Variants in ARHGAP42 observed in about 807,000 individuals in gnomAD.
ARHGAP42 encodes rho GTPase-activating protein 42.
ARHGAP42 carries 63 observed loss-of-function variants against 125.0 expected under a neutral mutation model. That is an observed-to-expected ratio of 0.50 (90% confidence interval 0.41 to 0.62). ARHGAP42 has a LOEUF of 0.62. ARHGAP42 is among the 20% of genes least tolerant of loss of function. The pLI, the probability that ARHGAP42 is intolerant of heterozygous loss-of-function variation, is 0.00. For missense variants in ARHGAP42, 766 were observed against 1,024.2 expected, an observed-to-expected ratio of 0.75 and a Z score of 3.44; for synonymous variants, 339 against 351.0, an observed-to-expected ratio of 0.97 and a Z score of 0.38.
chr11:100,687,568 G>A lies in ARHGAP42; in HGVS notation c.-111G>A. ...CGCGCAATCAGTCCCCTCGCGTCCC[G>A]GCGCCTTCCCCGCGATCGCGCGACC... is the stretch of plus-strand genomic sequence containing the variant. On this transcript the variant is annotated 5_prime_UTR_variant, in exon 1 of 24. Coordinates refer to ENST00000298815, the MANE Select transcript of ARHGAP42 (RefSeq NM_152432.4). The A allele has an allele frequency of 4.6e-6, 4 of 869,690 alleles. No individual in the cohort carries two copies. Among genetic ancestry groups the A allele is most frequent in the Non-Finnish European group, 5.9e-6 (4 of 682,838 alleles). The allele number at this position is 869,690 out of a possible 1,614,324, so 53.9% of individuals were successfully genotyped here. A position where few individuals can be genotyped will look rare whatever the true frequency, so the allele number is the denominator to read the frequency against.
chr11:100,765,684 G>T (rs1470096137), intron 1 of ARHGAP42, among the ~76,000 whole-genome samples: 1 of 152,150 alleles, frequency 6.6e-6, no homozygotes, highest in Non-Finnish European at 1.5e-5. Context: ...AGGAGGGAAG[G>T]ATACATTCTA....
At chr11:100,877,389 T>C (rs1565254945) in intron 4 of ARHGAP42, among the ~76,000 whole-genome samples, 1 of 152,258 alleles carries the variant, frequency 6.6e-6, no homozygotes, top group Non-Finnish European at 1.5e-5. Context: ...CAAATTTATG[T>C]GGCCATGTGT....
intron 4 of ARHGAP42, among the ~76,000 whole-genome samples, chr11:100,889,887 G>A (rs943298927): frequency 1.3e-5 from 2 of 152,082 alleles, no homozygotes; most frequent in African/African-American, 4.8e-5. Flanking sequence ...TGGGTCCCAA[G>A]CTGGACCATT....
chr11:100,779,248 A>G (rs1187325449), intron 2 of ARHGAP42, among the ~76,000 whole-genome samples: 2 of 151,500 alleles, frequency 1.3e-5, no homozygotes, highest in Non-Finnish European at 2.9e-5. Context: ...GGAGTTCGAG[A>G]CCAGCCTGAC....
chr11:100,809,654 T>C (rs1864088826), intron 3 of ARHGAP42, among the ~76,000 whole-genome samples: 1 of 152,180 alleles, frequency 6.6e-6, no homozygotes, highest in Non-Finnish European at 1.5e-5. Flanking sequence ...GTCTGTTCAG[T>C]AATATGAAAC....
intron 3 of ARHGAP42, among the ~76,000 whole-genome samples, chr11:100,829,407 T>G (rs563930364): frequency 1.3e-5 from 2 of 151,988 alleles, no homozygotes; most frequent in South Asian, 4.2e-4. Context: ...CTCACCAGGT[T>G]AATTCTGCTA....
At chr11:100,716,317 G>A (rs1308304672) in intron 1 of ARHGAP42, among the ~76,000 whole-genome samples, 2 of 152,048 alleles carry the variant, frequency 1.3e-5, no homozygotes, top group Non-Finnish European at 2.9e-5. Flanking sequence ...ACCTGCTTGT[G>A]GTTCACTGTG....
chr11:100,687,751 C>G lies in ARHGAP42; in HGVS notation c.73C>G (p.His25Asp). 6.4e-7 allele frequency: 1 copy of G among 1,550,872 alleles called. No individual in the cohort carries two copies. Among genetic ancestry groups the G allele is most frequent in the Non-Finnish European group, 8.7e-7 (1 of 1,146,774 alleles). The stretch of plus-strand genomic sequence containing the variant: ...AGATTTCAGGGAGCGCTTGCAGTGT[C>G]ACGAGATTGAGCTGGAGCGAACCAA... ...SPDFRERLQC[H>D]EIELERTNKF... Residue 25 changes from histidine to aspartate, a missense_variant, in exon 1 of 24, where the codon CAC becomes GAC. Coordinates refer to ENST00000298815, the MANE Select transcript of ARHGAP42 (RefSeq NM_152432.4).
At chr11:100,903,744 A>ATATATC (rs1866637551) in intron 4 of ARHGAP42, among the ~76,000 whole-genome samples, 2 of 114,024 alleles carry the variant, frequency 1.8e-5, no homozygotes, top group Non-Finnish European at 1.8e-5. Context: ...ATATATATAT[A>ATATATC]TATATATATA....
intron 12 of ARHGAP42, among the ~76,000 whole-genome samples, chr11:100,950,292 AT>A (rs1555030773): frequency 2.1e-5 from 2 of 93,434 alleles, no homozygotes; most frequent in African/African-American, 5.7e-5. Flanking sequence ...TATTAAATAT[AT>A]TATATATTAA....
intron 12 of ARHGAP42, 160 bp from the exon 13 acceptor site, chr11:100,959,723 T>C (rs1031345917): frequency 1.1e-5 from 7 of 630,320 alleles, no homozygotes; most frequent in Non-Finnish European, 2.0e-5. Context: ...CTCCTCTACT[T>C]CTACCCCAAA....
chr11:100,691,762 G>A (rs901799720), intron 1 of ARHGAP42, among the ~76,000 whole-genome samples: 1 of 152,062 alleles, frequency 6.6e-6, no homozygotes, highest in Non-Finnish European at 1.5e-5. Flanking sequence ...GGGTTCAAGC[G>A]ATCTGCCTGC....
chr11:100,769,712 CTTTTTTTTTTTTTTTTTTT>C (rs140626690), intron 1 of ARHGAP42, among the ~76,000 whole-genome samples: 14 of 78,096 alleles, frequency 1.8e-4, no homozygotes, highest in Non-Finnish European at 2.2e-4. Flanking sequence ...AGCATTCCTT[CTTTTTTTTTTTTTTTTTTT>C]TTTTTTTTTT....
intron 22 of ARHGAP42, among the ~76,000 whole-genome samples, chr11:100,980,673 T>TGATTCTCC (rs1858520679): frequency 6.8e-6 from 1 of 147,000 alleles, no homozygotes; most frequent in South Asian, 2.2e-4. Flanking sequence ...CAGGTTCAAG[T>TGATTCTCC]GATTCTCCTG....
chr11:100,851,126 C>T (rs536292014), intron 3 of ARHGAP42, among the ~76,000 whole-genome samples: 13 of 152,110 alleles, frequency 8.5e-5, no homozygotes, highest in African/African-American at 3.1e-4. Flanking sequence ...AGGTGATCCA[C>T]CCACCTCGGC....
intron 22 of ARHGAP42, among the ~76,000 whole-genome samples, chr11:100,979,715 C>G (rs1858483231): frequency 7.1e-6 from 1 of 141,140 alleles, no homozygotes; most frequent in Non-Finnish European, 1.5e-5. Flanking sequence ...TTTTTTTTTA[C>G]TATCAGCTGC....
At chr11:100,716,744 T>A (rs1490164374) in intron 1 of ARHGAP42, among the ~76,000 whole-genome samples, 1 of 151,228 alleles carries the variant, frequency 6.6e-6, no homozygotes, top group Admixed American at 6.5e-5. Flanking sequence ...ATTAAAAATA[T>A]TTTTTTGTAG....
At chr11:100,976,558 T>A in intron 20 of ARHGAP42, 121 bp downstream of exon 20, 1 of 1,367,814 alleles carries the variant, frequency 7.3e-7, no homozygotes, top group Non-Finnish European at 9.7e-7. Flanking sequence ...CTTATCTACT[T>A]TTTTCCTGTG....
chr11:100,850,494 G>A (rs1348784213), intron 3 of ARHGAP42, among the ~76,000 whole-genome samples: 1 of 152,168 alleles, frequency 6.6e-6, no homozygotes, highest in Non-Finnish European at 1.5e-5. Flanking sequence ...GACCTCTGTA[G>A]TATATGCAGT....
Sources: allele counts gnomAD v4.1 joint callset (sites outside exome capture counted in the v4.1 genomes callset), GRCh38; gene constraint gnomAD v4.1.1; transcripts MANE v1.5; gene names NCBI Gene and HGNC (gene_info 2026-07-23, HGNC 2026-07-21).